The following INSR variants were observed in gnomAD, a reference collection of about 807,000 sequenced individuals.
The protein encoded by INSR is insulin receptor, also known as IR.
Under a neutral mutation model 142.6 loss-of-function variants are expected in INSR, and 67 were observed. The ratio of observed to expected loss-of-function variants is 0.47; its 90% CI spans 0.39 to 0.58. The LOEUF (loss-of-function observed/expected upper bound fraction) is 0.58. Ranked by LOEUF, INSR falls within the 20% of genes least tolerant of loss-of-function variation. The pLI is 0.00. For missense variants in INSR, 1,248 were observed against 1,833.2 expected, an observed-to-expected ratio of 0.68 and a Z score of 5.83; for synonymous variants, 756 against 743.1, an observed-to-expected ratio of 1.02 and a Z score of -0.28.
intron 2 of INSR, among the ~76,000 whole-genome samples, chr19:7,246,023 C>T (rs1034874204): frequency 6.6e-6 from 1 of 152,100 alleles, no homozygotes; most frequent in Admixed American, 6.6e-5. Context: ...CTCAGTCACA[C>T]CATACACAGT....
At chr19:7,243,094 A>T (rs961414731) in intron 2 of INSR, among the ~76,000 whole-genome samples, 1 of 152,124 alleles carries the variant, frequency 6.6e-6, no homozygotes, top group African/African-American at 2.4e-5. Flanking sequence ...GACTAAAAAA[A>T]CATTATTAGA....
At chr19:7,244,448 G>T (rs1419877995) in intron 2 of INSR, among the ~76,000 whole-genome samples, 1 of 151,880 alleles carries the variant, frequency 6.6e-6, no homozygotes, top group Admixed American at 6.6e-5. Context: ...CACAAGAATT[G>T]TTTGAACTTG....
intron 13 of INSR, among the ~76,000 whole-genome samples, chr19:7,135,059 G>C (rs887498416): frequency 6.8e-6 from 1 of 147,376 alleles, no homozygotes; most frequent in East Asian, 2.0e-4. Flanking sequence ...ATTTAGGAGG[G>C]GGGTGGAGAG....
Position 7,141,661 on chromosome 19 carries a change from G to A in INSR, c.2682+16C>T, listed in dbSNP as rs924365782. Reference sequence around the variant, plus strand: ...CTGAAGTGTGCAGGGGCATGCCCAAGAGTCAAGGGCCTTACCTCATCACCA... The same window carrying A: ...CTGAAGTGTGCAGGGGCATGCCCAAAAGTCAAGGGCCTTACCTCATCACCA... On this transcript the variant is annotated intron_variant, in intron 13 of 21. Transcript: ENST00000302850. 6.2e-7 allele frequency: 1 copy of A among 1,614,096 alleles called. No individual in the cohort carries two copies. The highest frequency in any genetic ancestry group is 1.3e-5 in the African/African-American group (1 of 75,062).
intron 1 of INSR, among the ~76,000 whole-genome samples, chr19:7,273,763 C>G (rs1225579790): frequency 2.0e-5 from 3 of 151,746 alleles, no homozygotes; most frequent in Admixed American, 2.0e-4. Context: ...GTGATCCGCC[C>G]ACCTCGGCCT....
At chr19:7,135,111 A>AAAAG (rs1972878492) in intron 13 of INSR, among the ~76,000 whole-genome samples, 1 of 147,760 alleles carries the variant, frequency 6.8e-6, no homozygotes, top group African/African-American at 2.5e-5. Context: ...AAAAAAAAAA[A>AAAAG]GCCAACAACC....
At position 7,150,940 on chromosome 19, in the gene INSR, C is replaced by G. The variant is rs1016758841; in HGVS notation, c.2232-408G>C. Among the ~76,000 whole-genome samples the G allele has an allele frequency of 1.3e-5, 2 of 148,258 alleles. No homozygotes were observed. Among genetic ancestry groups the G allele is most frequent in the African/African-American group, 5.0e-5 (2 of 40,034 alleles). ...TTTTCTCTTTCTCTTTTCTCTCTCCCTCTCTCTCCTTCCTTCCTTCTTTCC... is the reference window on the plus strand; with the variant it reads ...TTTTCTCTTTCTCTTTTCTCTCTCCGTCTCTCTCCTTCCTTCCTTCTTTCC... On this transcript the variant is annotated intron_variant, in intron 10 of 21. Coordinates refer to ENST00000302850, the MANE Select transcript of INSR (RefSeq NM_000208.4). The surrounding 1 kb of genome is among the most constrained non-coding windows in gnomAD (Gnocchi z 4.2).
chr19:7,211,349 G>A (rs541241087), intron 2 of INSR, among the ~76,000 whole-genome samples: 2 of 152,180 alleles, frequency 1.3e-5, no homozygotes, highest in African/African-American at 2.4e-5. Flanking sequence ...TGACAGGTGC[G>A]AGGGAGGCAC....
intron 9 of INSR, among the ~76,000 whole-genome samples, chr19:7,160,181 T>C (rs1244468218): frequency 1.3e-5 from 2 of 151,680 alleles, no homozygotes; most frequent in African/African-American, 4.8e-5. Context: ...TTAGATGGAG[T>C]TTTGCTTTTG....
intron 11 of INSR, among the ~76,000 whole-genome samples, chr19:7,147,300 G>A (rs543775517): frequency 4.9e-4 from 74 of 151,862 alleles, no homozygotes; most frequent in African/African-American, 1.6e-3. Context: ...TCAGTCTCCT[G>A]AGTAGCTGGG....
chr19:7,154,062 G>A (rs1470145699), intron 9 of INSR, among the ~76,000 whole-genome samples: 1 of 151,742 alleles, frequency 6.6e-6, no homozygotes, highest in Non-Finnish European at 1.5e-5. Context: ...TCAGGAGGTC[G>A]AGGCAGGAGA....
At chr19:7,221,664 C>T (rs1462182849) in intron 2 of INSR, among the ~76,000 whole-genome samples, 2 of 151,482 alleles carry the variant, frequency 1.3e-5, no homozygotes, top group Admixed American at 6.6e-5. Flanking sequence ...GCCGAGATCA[C>T]ACCACTGCAC....
intron 9 of INSR, among the ~76,000 whole-genome samples, chr19:7,156,976 T>C (rs1265235556): frequency 9.9e-6 from 1 of 101,122 alleles, no homozygotes; most frequent in Non-Finnish European, 2.2e-5. Context: ...TTTGTTTGTT[T>C]GTTTTTTGTT....
chr19:7,277,287 G>C (rs1219258268), intron 1 of INSR, among the ~76,000 whole-genome samples: 1 of 151,828 alleles, frequency 6.6e-6, no homozygotes, highest in Non-Finnish European at 1.5e-5. Flanking sequence ...ATCAAATGCA[G>C]GTTCTGGACC....
intron 1 of INSR, among the ~76,000 whole-genome samples, chr19:7,276,634 T>C (rs920171293): frequency 6.6e-6 from 1 of 152,198 alleles, no homozygotes; most frequent in African/African-American, 2.4e-5. Context: ...CGAATCTGGC[T>C]TCCCAACCCA....
intron 1 of INSR, among the ~76,000 whole-genome samples, chr19:7,268,909 C>T (rs574576788): frequency 3.9e-5 from 6 of 152,100 alleles, no homozygotes; most frequent in South Asian, 2.1e-4. Context: ...TCCAGGCAGC[C>T]GTCCCTGATT....
intron 2 of INSR, among the ~76,000 whole-genome samples, chr19:7,191,591 C>T (rs146400729): frequency 6.3e-4 from 96 of 152,160 alleles, no homozygotes; most frequent in African/African-American, 2.1e-3. Context: ...GAGGCTAACA[C>T]GGGAGGATCT....
At chr19:7,207,938 A>AGGG (rs1975155690) in intron 2 of INSR, among the ~76,000 whole-genome samples, 3 of 123,824 alleles carry the variant, frequency 2.4e-5, no homozygotes, top group African/African-American at 9.7e-5. Context: ...GGAAGGAAGG[A>AGGG]AGGGAAGGAG....
At chr19:7,188,278 G>T (rs763935739) in intron 2 of INSR, among the ~76,000 whole-genome samples, 10 of 152,124 alleles carry the variant, frequency 6.6e-5, no homozygotes, top group Non-Finnish European at 1.2e-4. Context: ...GGGCGCGGGG[G>T]CTCACACCTA....
Sources: gnomAD v4.1 joint callset for allele counts (sites outside exome capture counted in the v4.1 genomes callset) on GRCh38, gnomAD v4.1.1 for gene constraint, Gnocchi (gnomAD v3.1) non-coding constraint, MANE v1.5 for transcripts, NCBI Gene and HGNC (gene_info 2026-07-23, HGNC 2026-07-21) for gene names.